CDH18: variants seen among roughly 807,000 people sequenced by gnomAD.
CDH18 encodes cadherin-18.
CDH18 carries 31 observed loss-of-function variants against 67.9 expected under a neutral mutation model. The ratio of observed to expected loss-of-function variants is 0.46; its 90% CI spans 0.34 to 0.62. The LOEUF is 0.62. CDH18 is among the 20% of genes least tolerant of loss of function. The pLI is 0.01. For synonymous variants in CDH18, 362 were observed against 347.2 expected (o/e 1.04, Z -0.48); for missense variants, 890 against 975.5 (o/e 0.91, Z 1.17).
At chr5:20,395,943 G>A (rs1745243148) in intron 1 of CDH18, among the ~76,000 whole-genome samples, 1 of 152,134 alleles carries the variant, frequency 6.6e-6, no homozygotes, top group South Asian at 2.1e-4. Context: ...GAAGCACTGT[G>A]CTCATCCCTA....
chr5:20,033,544 T>C (rs1425524709), intron 2 of CDH18, among the ~76,000 whole-genome samples: 1 of 152,116 alleles, frequency 6.6e-6, no homozygotes, highest in Non-Finnish European at 1.5e-5. Flanking sequence ...TCTGTAATCA[T>C]TTCTGCCTAA....
At chr5:20,334,010 T>C (rs996525183) in intron 1 of CDH18, among the ~76,000 whole-genome samples, 1 of 152,046 alleles carries the variant, frequency 6.6e-6, no homozygotes, top group Non-Finnish European at 1.5e-5. Context: ...TGTTTTGGAA[T>C]ATCTTGAATG....
chr5:20,119,957 A>G (rs902830874), intron 2 of CDH18, among the ~76,000 whole-genome samples: 2 of 152,074 alleles, frequency 1.3e-5, no homozygotes, highest in Admixed American at 6.6e-5. Context: ...TTTTATCACT[A>G]TACTCATAAT....
rs560336190 is a variant in CDH18, at chr5:19,778,039, GAA to G, written c.229-30805_229-30804del. Among the ~76,000 whole-genome samples the G allele has an allele frequency of 2.4e-3, 360 of 152,128 alleles. 1 individual carries two copies. Among genetic ancestry groups the G allele is most frequent in the Non-Finnish European group, 3.0e-3 (201 of 67,976 alleles). On this transcript the variant is annotated intron_variant, in intron 3 of 12. Transcript: ENST00000382275. Reference sequence around the variant, plus strand: ...CAAATTATTAAATTTTAATCAAGAAGAAAAAGATAACCTGAATAGCCCTGTAT... The same window carrying G: ...CAAATTATTAAATTTTAATCAAGAAGAAAGATAACCTGAATAGCCCTGTAT...
chr5:20,238,295 A>C (rs142349259), intron 2 of CDH18, among the ~76,000 whole-genome samples: 1 of 152,096 alleles, frequency 6.6e-6, no homozygotes, highest in Non-Finnish European at 1.5e-5. Flanking sequence ...ATCAAACAGC[A>C]CGTGATAAAC....
intron 1 of CDH18, among the ~76,000 whole-genome samples, chr5:20,347,547 C>G (rs1482458257): frequency 6.6e-6 from 1 of 152,222 alleles, no homozygotes; most frequent in African/African-American, 2.4e-5. Context: ...ACTGCCTATG[C>G]AGCTAAAGGG....
chr5:20,535,871 C>T (rs1483176637), intron 1 of CDH18, among the ~76,000 whole-genome samples: 1 of 152,004 alleles, frequency 6.6e-6, no homozygotes, highest in Non-Finnish European at 1.5e-5. Context: ...ATTTTAATCA[C>T]CTTTACCTCT....
intron 8 of CDH18, among the ~76,000 whole-genome samples, chr5:19,563,621 T>G (rs1739839652): frequency 6.6e-6 from 1 of 152,210 alleles, no homozygotes; most frequent in African/African-American, 2.4e-5. Context: ...AGCCAGGCTC[T>G]AATTTTATTT....
At chr5:20,271,457 G>A (rs1172552911) in intron 1 of CDH18, among the ~76,000 whole-genome samples, 5 of 152,084 alleles carry the variant, frequency 3.3e-5, no homozygotes, top group Non-Finnish European at 7.4e-5. Flanking sequence ...AATGACAAGT[G>A]TTTGAGGTGA....
At chr5:19,761,059 TC>T (rs1772276114) in intron 3 of CDH18, among the ~76,000 whole-genome samples, 1 of 152,050 alleles carries the variant, frequency 6.6e-6, no homozygotes, top group South Asian at 2.1e-4. Context: ...AGTTTCAGGG[TC>T]CCCTTCTTTT....
intron 5 of CDH18, among the ~76,000 whole-genome samples, chr5:19,630,196 C>T (rs1298739338): frequency 1.3e-5 from 2 of 152,120 alleles, no homozygotes; most frequent in East Asian, 3.9e-4. Flanking sequence ...CCAGCCTCGG[C>T]CTCCCAAAGT....
At chr5:19,502,746 C>A (rs1040034114) in intron 11 of CDH18, 6 of 480,402 alleles carry the variant, frequency 1.2e-5, no homozygotes, top group Non-Finnish European at 2.2e-5. Flanking sequence ...TTAAAATTTG[C>A]CCAAGAGCAT....
chr5:20,409,970 A>G (rs961533870), intron 1 of CDH18, among the ~76,000 whole-genome samples: 5 of 151,802 alleles, frequency 3.3e-5, no homozygotes, highest in African/African-American at 1.2e-4. Context: ...ATGGATTTAT[A>G]ATAAGAAGAT....
intron 3 of CDH18, among the ~76,000 whole-genome samples, chr5:19,781,036 T>G (rs1775053639): frequency 6.6e-6 from 1 of 152,158 alleles, no homozygotes; most frequent in Admixed American, 6.6e-5. Context: ...ATAAATGTGT[T>G]ATTCCAATGA....
At chr5:20,543,319 CAT>C (rs1757159052) in intron 1 of CDH18, among the ~76,000 whole-genome samples, 1 of 151,864 alleles carries the variant, frequency 6.6e-6, no homozygotes, top group African/African-American at 2.4e-5. Flanking sequence ...TATTTTTTCT[CAT>C]AATTATAACA....
At chr5:19,774,185 C>A (rs987436972) in intron 3 of CDH18, among the ~76,000 whole-genome samples, 2 of 151,972 alleles carry the variant, frequency 1.3e-5, no homozygotes, top group African/African-American at 2.4e-5. Context: ...AATTTTGGAG[C>A]CTGGGCAGAA....
intron 2 of CDH18, among the ~76,000 whole-genome samples, chr5:20,031,636 A>G (rs1353982939): frequency 6.6e-6 from 1 of 152,194 alleles, no homozygotes; most frequent in African/African-American, 2.4e-5. Flanking sequence ...ACTATTTTGT[A>G]TTTTTGAAAA....
chr5:20,252,255 G>A (rs542016708), intron 2 of CDH18, among the ~76,000 whole-genome samples: 10 of 151,998 alleles, frequency 6.6e-5, no homozygotes, highest in South Asian at 2.1e-4. Context: ...TGAGACTGAC[G>A]CAGGAGAATT....
At chr5:20,151,122 T>C (rs895372201) in intron 2 of CDH18, among the ~76,000 whole-genome samples, 1 of 151,938 alleles carries the variant, frequency 6.6e-6, no homozygotes, top group African/African-American at 2.4e-5. Context: ...TACCACCCAA[T>C]AGATAGTTTT....
Sources: allele counts gnomAD v4.1 joint callset (sites outside exome capture counted in the v4.1 genomes callset), GRCh38; gene constraint gnomAD v4.1.1; transcripts MANE v1.5; gene names NCBI Gene and HGNC (gene_info 2026-07-23, HGNC 2026-07-21).